RNF212: variants seen among roughly 807,000 people sequenced by gnomAD.
RNF212 encodes the protein ring finger protein 212.
A neutral mutation model predicts 34.7 loss-of-function variants in RNF212; 33 were observed. That is an observed-to-expected ratio of 0.95 (90% CI 0.72 to 1.27). The LOEUF (loss-of-function observed/expected upper bound fraction) is 1.27. Among genes scored for constraint, RNF212 ranks in the 50% most tolerant of loss-of-function variants. RNF212 has a pLI of 0.00. For synonymous variants in RNF212, 140 were observed against 136.1 expected (o/e 1.03, Z -0.20); for missense variants, 377 against 362.2 (o/e 1.04, Z -0.33).
At chr4:1,060,389 A>G (rs13134921) in intron 3 of RNF212, among the ~76,000 whole-genome samples, 123,263 of 151,966 alleles carry the variant, frequency 0.81, 50,707 homozygotes, top group African/African-American at 0.94. Context: ...GAAGAGCAGT[A>G]ACTCGGAGAA....
intron 4 of RNF212, among the ~76,000 whole-genome samples, chr4:1,057,855 G>A (rs145316354): frequency 0.02 from 2,999 of 152,222 alleles, 42 homozygotes; most frequent in Middle Eastern, 0.048. Context: ...ACCTGAGGTC[G>A]GGAGTTCGAG....
chr4:1,066,635 C>T (rs1718117426), downstream of RNF212, among the ~76,000 whole-genome samples: 1 of 152,152 alleles, frequency 6.6e-6, no homozygotes, highest in Non-Finnish European at 1.5e-5. Flanking sequence ...CCAGGCTTTG[C>T]CCATTTTTGA....
intron 2 of RNF212, among the ~76,000 whole-genome samples, chr4:1,098,690 C>T (rs633141): frequency 0.18 from 28,078 of 152,110 alleles, 4,220 homozygotes; most frequent in African/African-American, 0.42. Flanking sequence ...CCCTGGTTCT[C>T]CACCTAACTC....
downstream of RNF212, chr4:1,071,341 A>T (rs1183523073): frequency 6.6e-6 from 1 of 152,152 alleles, no homozygotes; most frequent in Non-Finnish European, 1.5e-5. Context: ...ATAAATTATT[A>T]AAAAAACTCA....
chr4:1,058,736 A>G (rs1278622155), intron 3 of RNF212, among the ~76,000 whole-genome samples: 2 of 152,234 alleles, frequency 1.3e-5, no homozygotes, highest in Non-Finnish European at 2.9e-5. Flanking sequence ...CGAACTGGCC[A>G]GTCCCAGCTG....
chr4:1,107,551 C>G (rs966163119), intron 2 of RNF212, among the ~76,000 whole-genome samples: 2 of 150,216 alleles, frequency 1.3e-5, no homozygotes, highest in East Asian at 2.0e-4. Flanking sequence ...CCCGGGTTCA[C>G]GCATTCTCCT....
At chr4:1,067,867 C>CAAAAAAAAAAAAAAAA (rs1183457508), downstream of RNF212, among the ~76,000 whole-genome samples, 1 of 60,670 alleles carries the variant, frequency 1.6e-5, no homozygotes, top group Non-Finnish European at 3.7e-5. Flanking sequence ...GACTCTGTCT[C>CAAAAAAAAAAAAAAAA]AAAAAAAAAA....
At chr4:1,063,104 A>C (rs536822019) in intron 3 of RNF212, among the ~76,000 whole-genome samples, 8 of 152,260 alleles carry the variant, frequency 5.3e-5, no homozygotes, top group Non-Finnish European at 1.2e-4. Flanking sequence ...TGGAAGATGC[A>C]GTGTTAGTAT....
chr4:1,068,807 T>C (rs780593001), downstream of RNF212, among the ~76,000 whole-genome samples: 1 of 152,230 alleles, frequency 6.6e-6, no homozygotes, highest in Non-Finnish European at 1.5e-5. Flanking sequence ...AAAATGTTAA[T>C]TTCATTGGAT....
intron 3 of RNF212, chr4:1,093,547 C>A (rs201016366): frequency 2.9e-6 from 4 of 1,394,354 alleles, no homozygotes; most frequent in Non-Finnish European, 3.7e-6. Flanking sequence ...GTGACCTCCA[C>A]GGCCCATGCC....
chr4:1,091,264 G>A (rs1722146765), intron 3 of RNF212, among the ~76,000 whole-genome samples: 1 of 152,236 alleles, frequency 6.6e-6, no homozygotes, highest in South Asian at 2.1e-4. Flanking sequence ...TGGTGGGCCT[G>A]TCTGCACTCC....
chr4:1,086,273 T>C (rs1208088756), intron 4 of RNF212, among the ~76,000 whole-genome samples: 1 of 151,998 alleles, frequency 6.6e-6, no homozygotes. Context: ...CACAAGCACC[T>C]TCCATACACG....
chr4:1,107,093 C>T (rs1724948340), intron 2 of RNF212, among the ~76,000 whole-genome samples: 1 of 151,884 alleles, frequency 6.6e-6, no homozygotes, highest in Non-Finnish European at 1.5e-5. Context: ...GCTCTGTCGC[C>T]CAGGCTGGAG....
intron 8 of RNF212, among the ~76,000 whole-genome samples, chr4:1,077,909 T>G (rs1719586403): frequency 6.6e-6 from 1 of 152,088 alleles, no homozygotes; most frequent in African/African-American, 2.4e-5. Flanking sequence ...GGCGTGGCCA[T>G]GAGGATGGCA....
chr4:1,111,914 AT>A (rs1287823242), intron 1 of RNF212, among the ~76,000 whole-genome samples: 1 of 152,244 alleles, frequency 6.6e-6, no homozygotes, highest in Non-Finnish European at 1.5e-5. Flanking sequence ...ATGAAAGTAG[AT>A]GAACTACAGT....
chr4:1,096,790 T>A lies in RNF212; in HGVS notation c.221A>T (p.Lys74Met). 6.2e-7 allele frequency: 1 copy of A among 1,613,918 alleles called. No individual in the cohort carries two copies. Among genetic ancestry groups the A allele is most frequent in the Non-Finnish European group, 8.5e-7 (1 of 1,179,738 alleles). ...AFFMSIDSLC[K>M]KYSRETSQIL... ...CTGGGAGGTTTCCCTGGAGTACTTC[T>A]TACACAGACTGTCTATGCTCATGAA... Residue 74 changes from lysine to methionine, a missense_variant, in exon 3 of 10, where the codon AAG becomes ATG. Coordinates refer to ENST00000433731, the MANE Select transcript of RNF212 (RefSeq NM_001131034.4).
Position 1,096,858 on chromosome 4 carries a change from ACT to A in RNF212, c.172-21_172-20del, listed in dbSNP as rs1257315314. Reference sequence around the variant, plus strand: ...CGTCGGTCTGAAAGAGAAAGAAATGACTCTACATTTATTGTGTCTAATAAACG... The same window carrying A: ...CGTCGGTCTGAAAGAGAAAGAAATGACTACATTTATTGTGTCTAATAAACG... On this transcript the variant is annotated intron_variant, in intron 2 of 9. Transcript: ENST00000433731. 1 of 1,564,046 alleles carries A rather than the reference ACT, an allele frequency of 6.4e-7. No individual in the cohort carries two copies. The highest frequency in any genetic ancestry group is 1.3e-5 in the African/African-American group (1 of 74,348).
intron 7 of RNF212, among the ~76,000 whole-genome samples, chr4:1,080,567 C>T (rs1720165741): frequency 6.6e-6 from 1 of 152,320 alleles, no homozygotes; most frequent in Non-Finnish European, 1.5e-5. Flanking sequence ...CCCTCAGTCA[C>T]AGCGGGACCC....
intron 1 of RNF212, 54 bp from the exon 2 acceptor site, chr4:1,108,458 T>C: frequency 1.1e-6 from 1 of 885,900 alleles, no homozygotes; most frequent in South Asian, 2.2e-5. Context: ...CTTTTAAATA[T>C]GTATACATGC....
Sources: allele counts gnomAD v4.1 joint callset (sites outside exome capture counted in the v4.1 genomes callset), GRCh38; gene constraint gnomAD v4.1.1; transcripts MANE v1.5; gene names NCBI Gene and HGNC (gene_info 2026-07-23, HGNC 2026-07-21).